Variants in DIXDC1 observed in about 807,000 individuals in gnomAD.
The protein encoded by DIXDC1 is dixin.
In DIXDC1, 64 loss-of-function variants were observed where a neutral mutation model predicts 103.1. The ratio of observed to expected loss-of-function variants is 0.62; its 90% CI spans 0.51 to 0.76. The LOEUF (loss-of-function observed/expected upper bound fraction) is 0.76, where lower values mean the gene tolerates loss of function less well. DIXDC1 is among the 30% of genes least tolerant of loss of function. The probability of loss-of-function intolerance (pLI) is 0.00; values close to 1 mark genes in which losing one functional copy is unlikely to be tolerated. For synonymous variants in DIXDC1, 266 were observed against 298.5 expected (o/e 0.89, Z 1.12); for missense variants, 759 against 834.2 (o/e 0.91, Z 1.11).
intron 5 of DIXDC1, among the ~76,000 whole-genome samples, chr11:111,978,880 C>T (rs1205079125): frequency 6.6e-6 from 1 of 152,192 alleles, no homozygotes; most frequent in African/African-American, 2.4e-5. Context: ...CCTGAGCAGG[C>T]ACAAATCTAT....
intron 17 of DIXDC1, among the ~76,000 whole-genome samples, chr11:112,004,132 GTA>G (rs1313202109): frequency 4.7e-5 from 7 of 149,148 alleles, no homozygotes; most frequent in African/African-American, 7.4e-5. Flanking sequence ...ATATGTGTGT[GTA>G]TATATATATA....
At position 111,998,143 on chromosome 11, in the gene DIXDC1, T is replaced by C. The variant is rs1472055753; in HGVS notation, c.1756+1997T>C. On this transcript the variant is annotated intron_variant, in intron 17 of 19. Transcript: ENST00000440460. The surrounding 1 kb of genome is among the most constrained non-coding windows in gnomAD (Gnocchi z 4.1). Reference sequence around the variant, plus strand: ...ATTGTCTTTTCAAAAGCATTTACTATTCTCTAAAAGTCTCCTGGAAACTTT... The same window carrying C: ...ATTGTCTTTTCAAAAGCATTTACTACTCTCTAAAAGTCTCCTGGAAACTTT... Among the ~76,000 whole-genome samples the C allele has an allele frequency of 6.6e-6, 1 of 152,164 alleles. No individual in the cohort carries two copies. The highest frequency in any genetic ancestry group is 1.5e-5 in the Non-Finnish European group (1 of 68,040).
chr11:111,975,558 C>A, intron 5 of DIXDC1: 1 of 986,022 alleles, frequency 1.0e-6, no homozygotes, highest in Non-Finnish European at 1.2e-6. Flanking sequence ...AAACAGGATA[C>A]AGTGCCCTAA....
chr11:111,943,275 C>G (rs1431017105), intron 1 of DIXDC1, among the ~76,000 whole-genome samples: 1 of 152,038 alleles, frequency 6.6e-6, no homozygotes, highest in Non-Finnish European at 1.5e-5. Context: ...TCCCCAGTAG[C>G]TGGGACTATA....
chr11:111,948,439 T>G (rs1214590324), intron 1 of DIXDC1, among the ~76,000 whole-genome samples: 2 of 152,198 alleles, frequency 1.3e-5, no homozygotes, highest in African/African-American at 2.4e-5. Context: ...CCACGCTTAC[T>G]TCCTTTGCCC....
At chr11:112,008,755 C>G (rs1861318747) in intron 17 of DIXDC1, among the ~76,000 whole-genome samples, 2 of 152,058 alleles carry the variant, frequency 1.3e-5, no homozygotes, top group South Asian at 4.1e-4. Flanking sequence ...TCTTTGAAAC[C>G]AATGAGAACA....
At chr11:112,010,329 C>T (rs1200879434) in intron 17 of DIXDC1, among the ~76,000 whole-genome samples, 3 of 152,182 alleles carry the variant, frequency 2.0e-5, no homozygotes, top group African/African-American at 7.2e-5. Context: ...GAAGAACATT[C>T]CATGCTCATG....
At chr11:112,009,935 A>G (rs908833431) in intron 17 of DIXDC1, among the ~76,000 whole-genome samples, 6 of 152,192 alleles carry the variant, frequency 3.9e-5, no homozygotes, top group Non-Finnish European at 7.3e-5. Flanking sequence ...CTCCTATTCA[A>G]CATAGTGTTG....
chr11:111,945,045 G>A lies in DIXDC1; in HGVS notation c.60+7486G>A, dbSNP rs895874692. Reference sequence around the variant, plus strand: ...GAACTAGCAGGGATAGGAAGTGGACGTTATTGACTCATGGAATCCAAGGAA... The same window carrying A: ...GAACTAGCAGGGATAGGAAGTGGACATTATTGACTCATGGAATCCAAGGAA... On this transcript the variant is annotated intron_variant, in intron 1 of 19. Transcript: ENST00000440460. Among the ~76,000 whole-genome samples, 8 of 152,298 alleles carry A rather than the reference G, an allele frequency of 5.3e-5. No individual in the cohort carries two copies. In the East Asian group the frequency reaches 7.7e-4, roughly 15 times the overall value.
Position 111,946,738 on chromosome 11 carries a change from C to T in DIXDC1, c.60+9179C>T, listed in dbSNP as rs587678809. 2.8e-4 allele frequency: 126 copies of T among 454,278 alleles called. 1 individual carries two copies. The highest frequency in any genetic ancestry group is 1.5e-3 in the African/African-American group (74 of 50,762). The allele number at this position is 454,278 out of a possible 1,614,324, so 28.1% of individuals were successfully genotyped here. On this transcript the variant is annotated intron_variant, in intron 1 of 19. Coordinates refer to ENST00000440460, the MANE Select transcript of DIXDC1 (RefSeq NM_001037954.4). ...TGTCACAGCAGGAACTCATTGAAGT[C>T]GGCCTGGGCACACGCCACATGCAGA...
At chr11:111,983,077 T>C (rs893014647) in intron 7 of DIXDC1, among the ~76,000 whole-genome samples, 1 of 152,198 alleles carries the variant, frequency 6.6e-6, no homozygotes, top group South Asian at 2.1e-4. Flanking sequence ...CCACTTGACA[T>C]AGTTCCCACC....
chr11:111,964,621 G>A lies in DIXDC1; in HGVS notation c.133G>A (p.Asp45Asn), dbSNP rs782784972. Residue 45 changes from aspartate (D) to asparagine (N), a missense_variant, in exon 2 of 20, where the codon GAC (aspartate) becomes AAC (asparagine). By Grantham distance (23) the Asp-to-Asn change is conservative. This residue lies in a region of DIXDC1 where 97 missense variants were observed against 85.4 expected (regional missense o/e 1.14). Coordinates refer to ENST00000440460, the MANE Select transcript of DIXDC1 (RefSeq NM_001037954.4). The stretch of plus-strand genomic sequence containing the variant: ...GAGGCCAGCAGTGAAGCCTGTGCAG[G>A]ACCTGCGACAAGATCTCCGGGATGG... Reference protein sequence around the residue: ...KKRPAVKPVQDLRQDLRDGVI... With the variant: ...KKRPAVKPVQNLRQDLRDGVI... 17 of 1,612,432 alleles carry A rather than the reference G, an allele frequency of 1.1e-5. No homozygotes were observed. The South Asian group carries it at 1.7e-4, about 16-fold the overall frequency.
chr11:111,982,493 T>C lies in DIXDC1; in HGVS notation c.918+6T>C. The C allele has an allele frequency of 6.2e-7, 1 of 1,612,322 alleles. No homozygotes were observed. The highest frequency in any genetic ancestry group is 8.5e-7 in the Non-Finnish European group (1 of 1,179,216). On this transcript the variant is annotated splice_donor_region_variant and intron_variant, in intron 7 of 19. Transcript: ENST00000440460. ...AAATGATATCAGGACTACAGGTAGCTCTCTCCCTTGTAGTTTGCCCTTGTT... is the reference window on the plus strand; with the variant it reads ...AAATGATATCAGGACTACAGGTAGCCCTCTCCCTTGTAGTTTGCCCTTGTT...
intron 14 of DIXDC1, among the ~76,000 whole-genome samples, 199 bp downstream of exon 14, chr11:111,993,939 G>A (rs1195990344): frequency 1.3e-5 from 2 of 152,162 alleles, no homozygotes; most frequent in Non-Finnish European, 2.9e-5. Context: ...GTGGCCTTCA[G>A]TTGCTTATCT....
chr11:111,945,566 C>T (rs984164275), intron 1 of DIXDC1: 11 of 152,160 alleles, frequency 7.2e-5, no homozygotes, highest in Non-Finnish European at 1.5e-4. Flanking sequence ...TCCTACTTTG[C>T]CTCTCTTGAC....
intron 16 of DIXDC1, 26 bp downstream of exon 16, chr11:111,995,590 C>T (rs1555175310): frequency 1.9e-6 from 3 of 1,610,308 alleles, no homozygotes; most frequent in East Asian, 2.2e-5. Flanking sequence ...TGGTATCTCT[C>T]TTAGGCAAGC....
chr11:111,937,131 C>CGGGG (rs782420161), upstream of DIXDC1: 188 of 462,554 alleles, frequency 4.1e-4, 1 homozygote, highest in African/African-American at 4.6e-4. Flanking sequence ...GCGGCCCGGG[C>CGGGG]GGGGGGGGGG....
At chr11:111,955,630 T>A (rs1966900325) in intron 1 of DIXDC1, among the ~76,000 whole-genome samples, 1 of 149,386 alleles carries the variant, frequency 6.7e-6, no homozygotes, top group Admixed American at 6.7e-5. Flanking sequence ...AGGTCATGAG[T>A]TTGAGGTCAG....
chr11:111,972,051 T>A (rs587607984), intron 3 of DIXDC1, among the ~76,000 whole-genome samples: 1 of 152,220 alleles, frequency 6.6e-6, no homozygotes, highest in Admixed American at 6.5e-5. Context: ...AGTTCAATCG[T>A]ACCCTAGACC....
Sources: allele counts gnomAD v4.1 joint callset (sites outside exome capture counted in the v4.1 genomes callset), GRCh38; gene constraint gnomAD v4.1.1; regional missense constraint gnomAD v4.1.1; non-coding constraint Gnocchi (gnomAD v3.1); transcripts MANE v1.5; gene names NCBI Gene and HGNC (gene_info 2026-07-23, HGNC 2026-07-21).